CELF2: variants seen among roughly 807,000 people sequenced by gnomAD.
CELF2 encodes the protein CUGBP Elav-like family member 2, also known as CUG triplet repeat RNA-binding protein 2.
In CELF2, 8 loss-of-function variants were observed where a neutral mutation model predicts 62.6. That is an observed-to-expected ratio of 0.13 (90% CI 0.07 to 0.23). The LOEUF (loss-of-function observed/expected upper bound fraction) is 0.23. Among genes scored for constraint, CELF2 ranks in the 10% least tolerant of loss-of-function variants. CELF2 has a pLI of 1.00. For missense variants in CELF2, 333 were observed against 671.0 expected (o/e 0.50, Z 5.56); for synonymous variants, 258 against 250.0 (o/e 1.03, Z -0.30).
At chr10:11,162,444 G>C (rs959400700) in intron 1 of CELF2, among the ~76,000 whole-genome samples, 5 of 152,152 alleles carry the variant, frequency 3.3e-5, no homozygotes, top group Non-Finnish European at 7.4e-5. Context: ...CAAATCTTTG[G>C]AAAAGTTACT....
Position 11,328,793 on chromosome 10 carries a change from C to A in CELF2, c.1439-133C>A. The A allele has an allele frequency of 1.0e-6, 1 of 994,406 alleles. No individual in the cohort carries two copies. Among genetic ancestry groups the A allele is most frequent in the Non-Finnish European group, 1.5e-6 (1 of 688,822 alleles). The allele number at this position is 994,406 out of a possible 1,614,324, so 61.6% of individuals were successfully genotyped here. A position where few individuals can be genotyped will look rare whatever the true frequency, so the allele number is the denominator to read the frequency against. Reference sequence around the variant, plus strand: ...CTCACGGTGGACTCACGATCAGTTCCGCAGAGCTGTGCTGGGCCCGTGGGG... The same window carrying A: ...CTCACGGTGGACTCACGATCAGTTCAGCAGAGCTGTGCTGGGCCCGTGGGG... On this transcript the variant is annotated intron_variant, in intron 12 of 12. Transcript: ENST00000633077. The surrounding 1 kb of genome is among the most constrained non-coding windows in gnomAD (Gnocchi z 6.4).
chr10:10,489,342 C>G, the CELF2 span, among the ~76,000 whole-genome samples: 1 of 152,086 alleles, frequency 6.6e-6, no homozygotes, highest in Non-Finnish European at 1.5e-5. Context: ...GTAACTGGAA[C>G]AGTGCTGGTA....
the CELF2 span, among the ~76,000 whole-genome samples, chr10:10,756,950 T>C: frequency 6.6e-6 from 1 of 151,956 alleles, no homozygotes; most frequent in African/African-American, 2.4e-5. Context: ...AAGAACAGCC[T>C]GGCCAATATG....
In CELF2 at chr10:11,012,104, G is replaced by T. The variant is rs899639760; in HGVS notation, c.53+6664G>T. Among the ~76,000 whole-genome samples the T allele has an allele frequency of 4.6e-5, 7 of 152,114 alleles. No individual in the cohort carries two copies. The highest frequency in any genetic ancestry group is 2.9e-5 in the Non-Finnish European group (2 of 67,972). Reference sequence around the variant, plus strand: ...GAAGAAAGGTCTAGCTGATGAATCAGAAAATTAAATGACTCATTCCCATTG... The same window carrying T: ...GAAGAAAGGTCTAGCTGATGAATCATAAAATTAAATGACTCATTCCCATTG... On this transcript the variant is annotated intron_variant, in intron 1 of 12. Coordinates refer to the CELF2 transcript ENST00000416382. This position sits in a 1 kb window ranked among gnomAD's most constrained non-coding sequence, Gnocchi z 5.5.
chr10:11,204,605 A>G lies in CELF2; in HGVS notation c.272-12820A>G, dbSNP rs61830891. 1.9e-3 allele frequency among the ~76,000 whole-genome samples: 293 copies of G among 152,380 alleles called. 1 individual carries two copies. Among genetic ancestry groups the G allele is most frequent in the Non-Finnish European group, 3.3e-3 (223 of 68,030 alleles). On this transcript the variant is annotated intron_variant, in intron 2 of 12. Transcript: ENST00000633077. Reference sequence around the variant, plus strand: ...GTAGCAGCCACCCGCAGAGAGCTGCATTCCTTAGGAGAACAGGAGCACGGC... The same window carrying G: ...GTAGCAGCCACCCGCAGAGAGCTGCGTTCCTTAGGAGAACAGGAGCACGGC...
chr10:10,797,092 G>A (rs1232384436), upstream of CELF2, among the ~76,000 whole-genome samples: 1 of 152,204 alleles, frequency 6.6e-6, no homozygotes, highest in Non-Finnish European at 1.5e-5. Flanking sequence ...ACAATGCTGG[G>A]ATAGGCGTTT....
intron 3 of CELF2, among the ~76,000 whole-genome samples, chr10:11,219,371 T>G (rs1440732977): frequency 6.6e-6 from 1 of 152,242 alleles, no homozygotes; most frequent in Non-Finnish European, 1.5e-5. Flanking sequence ...GTACGTGTGT[T>G]ACTTCTTTTC....
At chr10:10,691,468 C>T in the CELF2 span, among the ~76,000 whole-genome samples, 10 of 150,088 alleles carry the variant, frequency 6.7e-5, no homozygotes, top group African/African-American at 2.5e-4. Flanking sequence ...AATAAACATA[C>T]GTGTGCATGT....
chr10:11,007,861 T>A (rs1482458676), intron 1 of CELF2, among the ~76,000 whole-genome samples: 1 of 152,178 alleles, frequency 6.6e-6, no homozygotes, highest in Non-Finnish European at 1.5e-5. Context: ...AATTTTTGAC[T>A]AAATTAGCAG....
chr10:10,494,049 G>C, the CELF2 span, among the ~76,000 whole-genome samples: 6 of 152,192 alleles, frequency 3.9e-5, no homozygotes, highest in South Asian at 1.2e-3. Flanking sequence ...AAATCTCTGA[G>C]AAGTTTACAC....
At chr10:10,497,452 T>C in the CELF2 span, among the ~76,000 whole-genome samples, 233 of 152,318 alleles carry the variant, frequency 1.5e-3, 2 homozygotes, top group African/African-American at 5.4e-3. Context: ...ATTATCTGCC[T>C]ACTGAATTCA....
At chr10:11,101,883 G>C (rs1359440463) in intron 1 of CELF2, among the ~76,000 whole-genome samples, 1 of 152,148 alleles carries the variant, frequency 6.6e-6, no homozygotes, top group East Asian at 1.9e-4. Context: ...AATAATGACA[G>C]GAAAATATCA....
chr10:10,647,457 C>T, the CELF2 span, among the ~76,000 whole-genome samples: 1 of 152,222 alleles, frequency 6.6e-6, no homozygotes, highest in South Asian at 2.1e-4. Flanking sequence ...ATGCGGATAA[C>T]ATATAGTCAC....
In CELF2 at chr10:11,046,593, C is replaced by T. The variant is rs1056988173; in HGVS notation, c.74+28430C>T. Among the ~76,000 whole-genome samples the T allele has an allele frequency of 6.6e-6, 1 of 152,130 alleles. No homozygotes were observed. The highest frequency in any genetic ancestry group is 1.9e-4 in the East Asian group (1 of 5,198). ...CATGGCTTCTGTGGTCCCTGAAGTA[C>T]GAGCTTTTTCATAGACTCCAAGGTT... On this transcript the variant is annotated intron_variant, in intron 1 of 12. Coordinates refer to ENST00000633077, the MANE Select transcript of CELF2 (RefSeq NM_001326342.2). This position sits in a 1 kb window ranked among gnomAD's most constrained non-coding sequence, Gnocchi z 4.6.
Position 11,018,071 on chromosome 10 carries a change from G to C in CELF2, c.-19G>C. 1 of 1,438,752 alleles carries C rather than the reference G, an allele frequency of 7.0e-7. No homozygotes were observed. The highest frequency in any genetic ancestry group is 2.2e-5 in the Admixed American group (1 of 46,208). 89.1% of individuals were successfully genotyped at this position (1,438,752 alleles called of 1,614,324 possible). Reference sequence around the variant, plus strand: ...CGCAGAGCCGCCCCCCGCCGCTGCCGCCGCGTGCGCCCGCGAACATGACTT... The same window carrying C: ...CGCAGAGCCGCCCCCCGCCGCTGCCCCCGCGTGCGCCCGCGAACATGACTT... On this transcript the variant is annotated 5_prime_UTR_variant, in exon 1 of 13. Transcript: ENST00000633077.
At chr10:10,584,603 C>T in the CELF2 span, among the ~76,000 whole-genome samples, 1 of 152,232 alleles carries the variant, frequency 6.6e-6, no homozygotes, top group Non-Finnish European at 1.5e-5. Context: ...TTTGCTTTAA[C>T]AGCCCTGTTT....
intron 2 of CELF2, among the ~76,000 whole-genome samples, chr10:11,186,816 A>G (rs2075071294): frequency 6.6e-6 from 1 of 152,200 alleles, no homozygotes; most frequent in South Asian, 2.1e-4. Flanking sequence ...GGGCCCAGGC[A>G]TTTTGGATAA....
At chr10:10,932,004 C>G (rs565436264) in intron 2 of CELF2, among the ~76,000 whole-genome samples, 1 of 152,128 alleles carries the variant, frequency 6.6e-6, no homozygotes, top group Admixed American at 6.5e-5. Context: ...ATGGGAAAGA[C>G]CTGCCCCCAT....
At chr10:11,034,835 T>C (rs73571694) in intron 1 of CELF2, among the ~76,000 whole-genome samples, 8,209 of 152,126 alleles carry the variant, frequency 0.054, 696 homozygotes, top group African/African-American at 0.18. Context: ...TTACCCGGGA[T>C]TGGGAATCTT....
Sources: allele counts gnomAD v4.1 joint callset (sites outside exome capture counted in the v4.1 genomes callset), GRCh38; gene constraint gnomAD v4.1.1; non-coding constraint Gnocchi (gnomAD v3.1); transcripts MANE v1.5; gene names NCBI Gene and HGNC (gene_info 2026-07-23, HGNC 2026-07-21).